FHAD1: variants seen among roughly 807,000 people sequenced by gnomAD.
FHAD1 encodes forkhead associated phosphopeptide binding domain 1.
In FHAD1, 146 loss-of-function variants were observed where a neutral mutation model predicts 191.3. That is an observed-to-expected ratio of 0.76 (90% CI 0.67 to 0.88). FHAD1 has a LOEUF of 0.88. Among genes scored for constraint, FHAD1 ranks in the 40% least tolerant of loss-of-function variants. The pLI is 0.00. For synonymous variants in FHAD1, 616 were observed against 672.3 expected, an observed-to-expected ratio of 0.92 and a Z score of 1.29; for missense variants, 1,635 against 1,785.8, an observed-to-expected ratio of 0.92 and a Z score of 1.52.
At position 15,369,382 on chromosome 1, in the gene FHAD1, G is replaced by C; in HGVS notation, c.3327G>C (p.Glu1109Asp). The change falls in exon 26 of 34, where the codon GAG becomes GAC. Residue 1109 changes from glutamate (E) to aspartate (D), a missense_variant. Glu to Asp is a conservative substitution (Grantham distance 45). Coordinates refer to ENST00000688493, the MANE Select transcript of FHAD1 (RefSeq NM_001391957.1). ...ALEEALRASQ[E>D]KHRLQLNTEK... Reference sequence around the variant, plus strand: ...TTCTCTACCCTAGGGCTTCCCAAGAGAAACACAGACTCCAGCTGAACACAG... The same window carrying C: ...TTCTCTACCCTAGGGCTTCCCAAGACAAACACAGACTCCAGCTGAACACAG... The C allele has an allele frequency of 6.4e-7, 1 of 1,551,998 alleles. No individual in the cohort carries two copies. Among genetic ancestry groups the C allele is most frequent in the Non-Finnish European group, 8.7e-7 (1 of 1,147,066 alleles).
chr1:15,337,104 G>T (rs1397096850), intron 14 of FHAD1, among the ~76,000 whole-genome samples: 1 of 152,182 alleles, frequency 6.6e-6, no homozygotes, highest in Non-Finnish European at 1.5e-5. Context: ...CAGTAGGTGG[G>T]GTCCCTGGCC....
At chr1:15,349,760 C>T (rs1051166724) in intron 19 of FHAD1, among the ~76,000 whole-genome samples, 31 of 152,140 alleles carry the variant, frequency 2.0e-4, no homozygotes, top group Middle Eastern at 3.2e-3. Context: ...CTGGAATGGA[C>T]GAGAAGATGG....
Position 15,349,101 on chromosome 1 carries a change from A to C in FHAD1, c.2406A>C (p.Glu802Asp). 1 of 1,551,762 alleles carries C rather than the reference A, an allele frequency of 6.4e-7. No individual in the cohort carries two copies. Among genetic ancestry groups the C allele is most frequent in the Non-Finnish European group, 8.7e-7 (1 of 1,147,002 alleles). ...AAGCAAAGGAAGCCTTGGAGTCGGA[A>C]AAGAGAAAAGTTCAGGATCTGGAGA... ...KRKAKEALESEKRKVQDLENH... is the reference protein window; with the variant it reads ...KRKAKEALESDKRKVQDLENH... Residue 802 changes from glutamate (E) to aspartate (D), a missense_variant, in exon 19 of 34, where the codon GAA becomes GAC. By Grantham distance (45) the Glu-to-Asp change is conservative. Coordinates refer to ENST00000688493, the MANE Select transcript of FHAD1 (RefSeq NM_001391957.1).
intron 33 of FHAD1, among the ~76,000 whole-genome samples, chr1:15,396,099 C>T (rs1343024059): frequency 6.6e-6 from 1 of 152,128 alleles, no homozygotes; most frequent in East Asian, 1.9e-4. Flanking sequence ...CACTTGAGCC[C>T]AGGAACTCGA....
At chr1:15,389,537 C>T (rs767077882) in intron 32 of FHAD1, among the ~76,000 whole-genome samples, 2 of 149,716 alleles carry the variant, frequency 1.3e-5, no homozygotes, top group Non-Finnish European at 3.0e-5. Flanking sequence ...AATGATGGCT[C>T]TCTGCTGAAT....
At chr1:15,263,985 C>T (rs1032728027) in intron 2 of FHAD1, among the ~76,000 whole-genome samples, 3 of 152,176 alleles carry the variant, frequency 2.0e-5, no homozygotes, top group African/African-American at 7.2e-5. Flanking sequence ...GTTTCACTGT[C>T]TATGTGTCTG....
chr1:15,401,182 A>G (rs899507421), downstream of FHAD1, among the ~76,000 whole-genome samples: 5 of 152,180 alleles, frequency 3.3e-5, no homozygotes, highest in Non-Finnish European at 7.3e-5. Context: ...TACTGGGAGG[A>G]AATGAGGAAG....
In FHAD1 at chr1:15,329,715, AC is replaced by A. The variant is rs1680445367; in HGVS notation, c.1906+175del. 7.4e-5 allele frequency: 41 copies of A among 556,138 alleles called. No homozygotes were observed. Among genetic ancestry groups the A allele is most frequent in the Non-Finnish European group, 1.2e-4 (38 of 314,376 alleles). 34.5% of individuals were successfully genotyped at this position (556,138 alleles called of 1,614,324 possible). A position where few individuals can be genotyped will look rare whatever the true frequency, so the allele number is the denominator to read the frequency against. On this transcript the variant is annotated intron_variant, in intron 14 of 33. Coordinates refer to ENST00000688493, the MANE Select transcript of FHAD1 (RefSeq NM_001391957.1). The surrounding 1 kb of genome is among the most constrained non-coding windows in gnomAD (Gnocchi z 5.0). ...GCGTAATTTTCCATTAAAAAAAAAA[AC>A]ACACACATACAAGTGAGACACGATA...
In FHAD1 at chr1:15,388,059, AGAG is replaced by A. The variant is rs1702615760; in HGVS notation, c.4201_4203del (p.Glu1401del). On this transcript the variant is annotated inframe_deletion, in exon 32 of 34. Coordinates refer to ENST00000688493, the MANE Select transcript of FHAD1 (RefSeq NM_001391957.1). Reference sequence around the variant, plus strand: ...TGATACTTTTCACTCAGGAAAGTGTAGAGGAGCACGAACTGAGAAACGCAAAAG... The same window carrying A: ...TGATACTTTTCACTCAGGAAAGTGTAGAGCACGAACTGAGAAACGCAAAAG... 1.6e-6 allele frequency: 2 copies of A among 1,289,270 alleles called. No individual in the cohort carries two copies. Among genetic ancestry groups the A allele is most frequent in the African/African-American group, 3.0e-5 (2 of 65,838 alleles). The allele number at this position is 1,289,270 out of a possible 1,614,324, so 79.9% of individuals were successfully genotyped here.
Position 15,381,991 on chromosome 1 carries a change from A to G in FHAD1, c.4023-37A>G. On this transcript the variant is annotated intron_variant, in intron 30 of 33. Coordinates refer to ENST00000688493, the MANE Select transcript of FHAD1 (RefSeq NM_001391957.1). This position sits in a 1 kb window ranked among gnomAD's most constrained non-coding sequence, Gnocchi z 4.6. ...CACATTGATGATGATTGGGAAAGAT[A>G]AGGGAAAAACAGACGCCATCTCTCC... The G allele has an allele frequency of 1.3e-6, 2 of 1,545,382 alleles. No individual in the cohort carries two copies. Among genetic ancestry groups the G allele is most frequent in the Non-Finnish European group, 1.8e-6 (2 of 1,142,378 alleles).
intron 31 of FHAD1, among the ~76,000 whole-genome samples, chr1:15,385,191 T>C (rs1412544981): frequency 6.6e-6 from 1 of 152,098 alleles, no homozygotes; most frequent in African/African-American, 2.4e-5. Flanking sequence ...CAGTTTTTTT[T>C]CAGTGGTGCA....
chr1:15,304,264 C>T (rs1026210508), intron 6 of FHAD1, among the ~76,000 whole-genome samples: 1 of 152,236 alleles, frequency 6.6e-6, no homozygotes, highest in Non-Finnish European at 1.5e-5. Flanking sequence ...CTTCCTAGCA[C>T]TATTAACTTT....
chr1:15,256,769 C>T (rs1052328433), intron 2 of FHAD1, among the ~76,000 whole-genome samples: 1 of 151,906 alleles, frequency 6.6e-6, no homozygotes, highest in Non-Finnish European at 1.5e-5. Flanking sequence ...GTAGGGCAGC[C>T]AGAATCAATG....
At chr1:15,353,704 C>CAAAAAAAAAAAAAAAAAAAA (rs60518389) in intron 20 of FHAD1, among the ~76,000 whole-genome samples, 110 of 60,904 alleles carry the variant, frequency 1.8e-3, no homozygotes, top group South Asian at 2.3e-3. Flanking sequence ...GACTCCATCT[C>CAAAAAAAAAAAAAAAAAAAA]AAAAAAAAAA....
chr1:15,293,536 G>A (rs1296077091), intron 4 of FHAD1, among the ~76,000 whole-genome samples: 6 of 152,076 alleles, frequency 3.9e-5, no homozygotes, highest in African/African-American at 1.2e-4. Flanking sequence ...TGACTAACAT[G>A]GTGAAACCCC....
chr1:15,359,808 GGC>G (rs970539875), intron 21 of FHAD1, among the ~76,000 whole-genome samples: 2 of 150,152 alleles, frequency 1.3e-5, no homozygotes, highest in African/African-American at 5.0e-5. Context: ...AAAATAGCCA[GGC>G]GTGGTGGCGG....
intron 3 of FHAD1, among the ~76,000 whole-genome samples, chr1:15,272,953 A>G (rs1275409944): frequency 2.6e-5 from 4 of 152,168 alleles, no homozygotes; most frequent in African/African-American, 9.7e-5. Flanking sequence ...CATGGCATCA[A>G]GAGAATGTCT....
chr1:15,346,562 C>T (rs1011389492), intron 18 of FHAD1, among the ~76,000 whole-genome samples: 1 of 152,198 alleles, frequency 6.6e-6, no homozygotes, highest in South Asian at 2.1e-4. Flanking sequence ...TCTCCAGCCA[C>T]GGTAGCCTAG....
intron 1 of FHAD1, among the ~76,000 whole-genome samples, chr1:15,238,203 CA>C (rs1414172342): frequency 2.1e-5 from 3 of 144,798 alleles, no homozygotes; most frequent in Admixed American, 7.2e-5. Flanking sequence ...GCCGAGACTG[CA>C]CCACTGCACT....
Sources: gnomAD v4.1 joint callset for allele counts (sites outside exome capture counted in the v4.1 genomes callset) on GRCh38, gnomAD v4.1.1 for gene constraint, Gnocchi (gnomAD v3.1) non-coding constraint, MANE v1.5 for transcripts, NCBI Gene and HGNC (gene_info 2026-07-23, HGNC 2026-07-21) for gene names.